YTHDF2: variants seen among roughly 807,000 people sequenced by gnomAD.
YTHDF2 encodes the protein YTH domain-containing family protein 2.
Under a neutral mutation model 50.4 loss-of-function variants are expected in YTHDF2, and 2 were observed. The ratio of observed to expected loss-of-function variants is 0.04; its 90% confidence interval spans 0.02 to 0.12. YTHDF2 has a LOEUF of 0.12. YTHDF2 is among the 10% of genes least tolerant of loss of function. The probability of loss-of-function intolerance (pLI) is 1.00; values close to 1 mark genes in which losing one functional copy is unlikely to be tolerated. For synonymous variants in YTHDF2, 217 were observed against 255.6 expected (o/e 0.85, Z 1.44); for missense variants, 483 against 722.6 (o/e 0.67, Z 3.80).
At chr1:28,767,103 A>G (rs771087427) in intron 4 of YTHDF2, among the ~76,000 whole-genome samples, 6 of 149,320 alleles carry the variant, frequency 4.0e-5, no homozygotes, top group Non-Finnish European at 7.4e-5. Flanking sequence ...TTGGCCTCCC[A>G]AAGTGTTGGG....
At chr1:28,741,859 C>G (rs1327217522) in intron 3 of YTHDF2, among the ~76,000 whole-genome samples, 1 of 152,176 alleles carries the variant, frequency 6.6e-6, no homozygotes, top group African/African-American at 2.4e-5. Flanking sequence ...TATCTCAACA[C>G]TCAGGACTTA....
At chr1:28,765,537 C>A (rs974267620) in intron 4 of YTHDF2, among the ~76,000 whole-genome samples, 2 of 152,112 alleles carry the variant, frequency 1.3e-5, no homozygotes, top group Admixed American at 1.3e-4. Context: ...GCTGTCCTCC[C>A]ACCTCAGCCT....
intron 4 of YTHDF2, among the ~76,000 whole-genome samples, chr1:28,761,131 ATTT>A (rs56876999): frequency 1.5e-4 from 14 of 91,406 alleles, no homozygotes; most frequent in African/African-American, 3.2e-4. Flanking sequence ...GTGTGTGTGT[ATTT>A]TTTTTTTTTT....
intron 4 of YTHDF2, among the ~76,000 whole-genome samples, chr1:28,758,029 C>T (rs1346619905): frequency 1.3e-5 from 2 of 152,136 alleles, no homozygotes; most frequent in Non-Finnish European, 2.9e-5. Flanking sequence ...AACTAGATCA[C>T]TACCTAGGAA....
chr1:28,768,941 C>T lies in YTHDF2; in HGVS notation c.1729C>T (p.Arg577Cys). Reference protein sequence around the residue: ...EESVKKERQGRGK With the variant: ...EESVKKERQGCGK ...CTTACCTCTGTAGGAACGTCAAGGT[C>T]GTGGGAAATAAAAGGCAGTTCTACA... is the stretch of plus-strand genomic sequence containing the variant. Residue 577 changes from arginine to cysteine, a missense_variant, in exon 5 of 5, where the codon CGT (arginine) becomes TGT (cysteine). By Grantham distance (180) the Arg-to-Cys change is radical. Transcript: ENST00000373812. 1.3e-6 allele frequency: 2 copies of T among 1,591,702 alleles called. No homozygotes were observed. Among genetic ancestry groups the T allele is most frequent in the Non-Finnish European group, 8.6e-7 (1 of 1,168,128 alleles).
At chr1:28,759,714 G>C (rs1160618818) in intron 4 of YTHDF2, among the ~76,000 whole-genome samples, 2 of 152,204 alleles carry the variant, frequency 1.3e-5, no homozygotes, top group Non-Finnish European at 2.9e-5. Flanking sequence ...CCAGCACTTT[G>C]GGAGGCTGAG....
At position 28,736,962 on chromosome 1, in the gene YTHDF2, G is replaced by A. The variant is rs898123069; in HGVS notation, c.-159G>A. On this transcript the variant is annotated 5_prime_UTR_variant, in exon 1 of 5. Transcript: ENST00000373812. ...GCTAGAGCGTCGCCGAGTCGGAGCC[G>A]GAGCCTGAGCCGCGCGCTGTGTCTC... 3.4e-6 allele frequency: 3 copies of A among 873,752 alleles called. No homozygotes were observed. Among genetic ancestry groups the A allele is most frequent in the East Asian group, 2.9e-5 (1 of 34,472 alleles). 54.1% of individuals were successfully genotyped at this position (873,752 alleles called of 1,614,324 possible).
At position 28,742,871 on chromosome 1, in the gene YTHDF2, A is replaced by T; in HGVS notation, c.601A>T (p.Ser201Cys). 6.2e-7 allele frequency: 1 copy of T among 1,614,156 alleles called. No individual in the cohort carries two copies. Among genetic ancestry groups the T allele is most frequent in the Non-Finnish European group, 8.5e-7 (1 of 1,180,030 alleles). ...GAAGTTGGGTAGCACAGAAGTTGCA[A>T]GCAATGTTCCAAAAGTTGTAGGTTC... ...ALKLGSTEVASNVPKVVGSAV... is the reference protein window; with the variant it reads ...ALKLGSTEVACNVPKVVGSAV... The change falls in exon 4 of 5, where the codon AGC becomes TGC. Residue 201 changes from serine to cysteine, a missense_variant. Physicochemically the swap from Ser to Cys is moderately radical, Grantham distance 112. This residue lies in a region of YTHDF2 where 385 missense variants were observed against 475.8 expected (regional missense o/e 0.81). Coordinates refer to ENST00000373812, the MANE Select transcript of YTHDF2 (RefSeq NM_016258.3).
chr1:28,742,262 A>G (rs1187543214), intron 3 of YTHDF2, 141 bp from the exon 4 acceptor site: 4 of 1,046,866 alleles, frequency 3.8e-6, no homozygotes, highest in Admixed American at 6.1e-5. Flanking sequence ...CCCAAAGTGT[A>G]GGGATTACAG....
Position 28,737,099 on chromosome 1 carries a change from C to T in YTHDF2, c.-22C>T, listed in dbSNP as rs765817757. ...GCTGAGGAGAGTTCGCCGCCGTCGC[C>T]GCCCGTGAGGATCTGAGAGCCATGT... On this transcript the variant is annotated 5_prime_UTR_variant, in exon 1 of 5. Coordinates refer to ENST00000373812, the MANE Select transcript of YTHDF2 (RefSeq NM_016258.3). 4.4e-6 allele frequency: 7 copies of T among 1,593,264 alleles called. No homozygotes were observed. The East Asian group carries it at 6.9e-5, about 16-fold the overall frequency.
chr1:28,743,888 G>T lies in YTHDF2; in HGVS notation c.1618G>T (p.Val540Leu), dbSNP rs1483282159. ...AGTGCCTCTGGAAAAGGCTAAGCAG[G>T]TGTTGAAAATTATAGCCAGCTACAA... ...QEVPLEKAKQ[V>L]LKIIASYKHT... The change falls in exon 4 of 5, where the codon GTG becomes TTG. Residue 540 changes from valine to leucine, a missense_variant. Physicochemically the swap from Val to Leu is conservative, Grantham distance 32. Transcript: ENST00000373812. This position sits in a 1 kb window ranked among gnomAD's most constrained non-coding sequence, Gnocchi z 6.9. The T allele has an allele frequency of 6.2e-7, 1 of 1,610,666 alleles. No homozygotes were observed. Among genetic ancestry groups the T allele is most frequent in the Non-Finnish European group, 8.5e-7 (1 of 1,178,952 alleles).
intron 4 of YTHDF2, among the ~76,000 whole-genome samples, chr1:28,767,457 AC>A (rs2088235478): frequency 6.6e-6 from 1 of 152,154 alleles, no homozygotes; most frequent in South Asian, 2.1e-4. Context: ...TTCTGGAGTT[AC>A]ATTAAGAGAT....
intron 1 of YTHDF2, 65 bp from the exon 2 acceptor site, chr1:28,737,593 T>C (rs1476160733): frequency 6.2e-7 from 1 of 1,610,926 alleles, no homozygotes; most frequent in Non-Finnish European, 8.5e-7. Context: ...TGCCTTAATT[T>C]GTTCTTCCTT....
rs1277641772 is a variant in YTHDF2, at chr1:28,769,602, G to A, written c.*650G>A. ...AAGTCAGGATTAATTTGATTTCAAA[G>A]CTGAGAACAGTGGTAAAAACTCGTT... On this transcript the variant is annotated 3_prime_UTR_variant, in exon 5 of 5. Coordinates refer to ENST00000373812, the MANE Select transcript of YTHDF2 (RefSeq NM_016258.3). The A allele has an allele frequency of 2.0e-5, 3 of 152,626 alleles. No individual in the cohort carries two copies. The highest frequency in any genetic ancestry group is 7.2e-5 in the African/African-American group (3 of 41,434). The allele number at this position is 152,626 out of a possible 1,614,324, so 9.5% of individuals were successfully genotyped here.
At chr1:28,762,132 C>T (rs1486602268) in intron 4 of YTHDF2, among the ~76,000 whole-genome samples, 1 of 152,200 alleles carries the variant, frequency 6.6e-6, no homozygotes, top group African/African-American at 2.4e-5. Flanking sequence ...GTGGCTCACG[C>T]TTGTAATCCC....
intron 4 of YTHDF2, among the ~76,000 whole-genome samples, chr1:28,759,114 GAGCAT>G (rs1233270150): frequency 6.6e-6 from 1 of 152,186 alleles, no homozygotes; most frequent in Non-Finnish European, 1.5e-5. Flanking sequence ...CCTACTGAAT[GAGCAT>G]CTTTGGAGGT....
chr1:28,760,688 C>T (rs2088109818), intron 4 of YTHDF2, among the ~76,000 whole-genome samples: 2 of 151,990 alleles, frequency 1.3e-5, no homozygotes, highest in South Asian at 4.2e-4. Flanking sequence ...TCAAACGATT[C>T]TCCTCCCTCA....
Position 28,742,939 on chromosome 1 carries a change from C to G in YTHDF2, c.669C>G (p.Ser223=), listed in dbSNP as rs751786230. The G allele has an allele frequency of 2.0e-5, 33 of 1,614,006 alleles. No homozygotes were observed. The highest frequency in any genetic ancestry group is 2.5e-5 in the Non-Finnish European group (29 of 1,180,040). The part of the protein sequence containing the change: ...SGSITSNIVA[S]NSLPPATIAP... ...CCATTACTAGTAACATCGTGGCTTC[C>G]AATAGTTTGCCTCCAGCCACCATTG... Residue 223 remains serine, a synonymous_variant, in exon 4 of 5, where the codon TCC becomes TCG. Transcript: ENST00000373812.
intron 4 of YTHDF2, among the ~76,000 whole-genome samples, chr1:28,758,203 A>G (rs1294935976): frequency 6.6e-6 from 1 of 152,088 alleles, no homozygotes; most frequent in Non-Finnish European, 1.5e-5. Flanking sequence ...TGGGCAAGCA[A>G]TAATAAAAAG....
Sources: gnomAD v4.1 joint callset for allele counts (sites outside exome capture counted in the v4.1 genomes callset) on GRCh38, gnomAD v4.1.1 for gene constraint, gnomAD v4.1.1 regional missense constraint, Gnocchi (gnomAD v3.1) non-coding constraint, MANE v1.5 for transcripts, NCBI Gene and HGNC (gene_info 2026-07-23, HGNC 2026-07-21) for gene names.